ZNF614: variants seen among roughly 807,000 people sequenced by gnomAD.
The protein encoded by ZNF614 is zinc finger protein 614.
In ZNF614, 11 loss-of-function variants were observed where a neutral mutation model predicts 12.8. The observed-to-expected ratio is 0.86, with a 90% CI of 0.54 to 1.43. The LOEUF (loss-of-function observed/expected upper bound fraction) is 1.43, where lower values mean the gene tolerates loss of function less well. Among genes scored for constraint, ZNF614 ranks in the 40% most tolerant of loss-of-function variants. The pLI, the probability that ZNF614 is intolerant of heterozygous loss-of-function variation, is 0.00. For missense variants in ZNF614, 664 were observed against 708.8 expected (o/e 0.94, Z 0.72); for synonymous variants, 237 against 237.5 (o/e 1.00, Z 0.02).
In ZNF614 at chr19:52,017,371, C is replaced by T. The variant is rs775101897; in HGVS notation, c.239-12G>A. Reference sequence around the variant, plus strand: ...AACTTTCCCGATTCCTAAGAAAGAACAGAGTAACAAATTCTTCCATGAGAA... The same window carrying T: ...AACTTTCCCGATTCCTAAGAAAGAATAGAGTAACAAATTCTTCCATGAGAA... On this transcript the variant is annotated splice_polypyrimidine_tract_variant and intron_variant, in intron 4 of 4. Transcript: ENST00000270649. 2 of 1,573,672 alleles carry T rather than the reference C, an allele frequency of 1.3e-6. No individual in the cohort carries two copies. Among genetic ancestry groups the T allele is most frequent in the Non-Finnish European group, 1.7e-6 (2 of 1,164,376 alleles).
intron 2 of ZNF614, among the ~76,000 whole-genome samples, chr19:52,023,937 A>AGT (rs2086951835): frequency 6.6e-6 from 1 of 152,132 alleles, no homozygotes; most frequent in Non-Finnish European, 1.5e-5. Flanking sequence ...ACCTCTGTGG[A>AGT]AGGGAGAGGT....
rs2086884526 is a variant in ZNF614, at chr19:52,014,438, C to T, written c.*1402G>A. 6.6e-6 allele frequency: 1 copy of T among 152,308 alleles called. No individual in the cohort carries two copies. The highest frequency in any genetic ancestry group is 2.1e-4 in the South Asian group (1 of 4,824). 9.4% of individuals were successfully genotyped at this position (152,308 alleles called of 1,614,324 possible). A position where few individuals can be genotyped will look rare whatever the true frequency, so the allele number is the denominator to read the frequency against. On this transcript the variant is annotated 3_prime_UTR_variant, in exon 5 of 5. Transcript: ENST00000270649. The stretch of plus-strand genomic sequence containing the variant: ...CATCAGATGCCACTCACAAGGACAA[C>T]CTGCAGTTCTGAATGGTGATAAATT...
chr19:52,025,662 C>G, intron 2 of ZNF614, 69 bp downstream of exon 2: 1 of 1,553,188 alleles, frequency 6.4e-7, no homozygotes, highest in Non-Finnish European at 8.9e-7. Flanking sequence ...CCAGTATATA[C>G]TTCCTTAAGT....
intron 1 of ZNF614, among the ~76,000 whole-genome samples, chr19:52,027,012 C>T (rs2086979760): frequency 6.6e-6 from 1 of 152,206 alleles, no homozygotes; most frequent in Non-Finnish European, 1.5e-5. Context: ...ACTGAGGGAA[C>T]TCAGAGACCA....
chr19:52,017,943 G>C, intron 4 of ZNF614, 65 bp downstream of exon 4: 1 of 1,269,674 alleles, frequency 7.9e-7, no homozygotes, highest in South Asian at 1.3e-5. Context: ...TCATATATGT[G>C]ACACCTTTCC....
At position 52,015,703 on chromosome 19, in the gene ZNF614, G is replaced by C; in HGVS notation, c.*137C>G. 2.5e-6 allele frequency: 2 copies of C among 815,030 alleles called. No individual in the cohort carries two copies. Among genetic ancestry groups the C allele is most frequent in the Admixed American group, 2.5e-5 (1 of 39,446 alleles). 50.5% of individuals were successfully genotyped at this position (815,030 alleles called of 1,614,324 possible). A position where few individuals can be genotyped will look rare whatever the true frequency, so the allele number is the denominator to read the frequency against. ...CAAATTATTTCACCTCCTGAGGACAGACACACATCTGTCAACAGGCAGCAC... is the reference window on the plus strand; with the variant it reads ...CAAATTATTTCACCTCCTGAGGACACACACACATCTGTCAACAGGCAGCAC... On this transcript the variant is annotated 3_prime_UTR_variant, in exon 5 of 5. Transcript: ENST00000270649.
chr19:52,020,521 C>G (rs1411477199), intron 2 of ZNF614, among the ~76,000 whole-genome samples: 1 of 152,166 alleles, frequency 6.6e-6, no homozygotes, highest in Non-Finnish European at 1.5e-5. Flanking sequence ...GAGTACTTGC[C>G]AGCCAGCGAG....
At chr19:52,020,948 G>C (rs896423211) in intron 2 of ZNF614, among the ~76,000 whole-genome samples, 39 of 152,182 alleles carry the variant, frequency 2.6e-4, no homozygotes, top group Non-Finnish European at 2.8e-4. Flanking sequence ...ATCCTCCTGA[G>C]TATGAAGTGG....
chr19:52,015,686 T>C lies in ZNF614; in HGVS notation c.*154A>G, dbSNP rs2086891538. ...CAAATTGATCTCTAGGGCAAATTAT[T>C]TCACCTCCTGAGGACAGACACACAT... On this transcript the variant is annotated 3_prime_UTR_variant, in exon 5 of 5. Transcript: ENST00000270649. The C allele has an allele frequency of 1.4e-6, 1 of 698,180 alleles. No individual in the cohort carries two copies. Among genetic ancestry groups the C allele is most frequent in the Non-Finnish European group, 2.4e-6 (1 of 422,260 alleles). The allele number at this position is 698,180 out of a possible 1,614,324, so 43.2% of individuals were successfully genotyped here.
Position 52,027,692 on chromosome 19 carries a change from A to G in ZNF614, c.-217+550T>C, listed in dbSNP as rs554829245. On this transcript the variant is annotated intron_variant, in intron 1 of 4. Transcript: ENST00000270649. Reference sequence around the variant, plus strand: ...TACAATGGCTGGCAATAATAATATAAGGGTGTATATATAAGAATATGATAA... The same window carrying G: ...TACAATGGCTGGCAATAATAATATAGGGGTGTATATATAAGAATATGATAA... Among the ~76,000 whole-genome samples the G allele has an allele frequency of 8.5e-5, 13 of 152,304 alleles. No individual in the cohort carries two copies. In the South Asian group the frequency reaches 2.7e-3, roughly 32 times the overall value.
intron 2 of ZNF614, among the ~76,000 whole-genome samples, chr19:52,025,201 A>C (rs1265709603): frequency 6.6e-6 from 1 of 152,230 alleles, no homozygotes; most frequent in Non-Finnish European, 1.5e-5. Flanking sequence ...AATGGTCTGG[A>C]GTATGTACAT....
chr19:52,015,926 T>C lies in ZNF614; in HGVS notation c.1672A>G (p.Lys558Glu). Residue 558 changes from lysine to glutamate, a missense_variant, in exon 5 of 5, where the codon AAG becomes GAG. Coordinates refer to ENST00000270649, the MANE Select transcript of ZNF614 (RefSeq NM_025040.4). ...FSHLSNLVKHKKMHTREMGRI... is the reference protein window; with the variant it reads ...FSHLSNLVKHEKMHTREMGRI... ...CCCATTTCTCTTGTGTGCATTTTCTTATGTTTGACAAGGTTTGATAAGTGG... is the reference window on the plus strand; with the variant it reads ...CCCATTTCTCTTGTGTGCATTTTCTCATGTTTGACAAGGTTTGATAAGTGG... 1 of 1,614,212 alleles carries C rather than the reference T, an allele frequency of 6.2e-7. No individual in the cohort carries two copies. The highest frequency in any genetic ancestry group is 1.3e-5 in the African/African-American group (1 of 75,056).
At chr19:52,020,750 G>A (rs954916629) in intron 2 of ZNF614, among the ~76,000 whole-genome samples, 1 of 151,946 alleles carries the variant, frequency 6.6e-6, no homozygotes, top group Admixed American at 6.6e-5. Context: ...AATTATCTAG[G>A]GATCTACTAT....
intron 1 of ZNF614, among the ~76,000 whole-genome samples, chr19:52,026,463 C>T (rs948129040): frequency 6.6e-6 from 1 of 152,182 alleles, no homozygotes; most frequent in African/African-American, 2.4e-5. Context: ...AAAGTCATCA[C>T]CATTCTCTAA....
chr19:52,017,181 T>A lies in ZNF614; in HGVS notation c.417A>T (p.Ser139=), dbSNP rs751120200. The part of the protein sequence containing the change: ...TFDLYRKNLK[S]SLSLINQKRR... ...TCTTCTGGTTGATTAAACTTAAACT[T>A]GATTTCAAATTTTTTCTGTACAAGT... is the stretch of plus-strand genomic sequence containing the variant. Residue 139 remains serine, a synonymous_variant, in exon 5 of 5, where the codon TCA becomes TCT. Transcript: ENST00000270649. The A allele has an allele frequency of 6.2e-7, 1 of 1,614,172 alleles. No homozygotes were observed. The highest frequency in any genetic ancestry group is 2.2e-5 in the East Asian group (1 of 44,870).
intron 3 of ZNF614, 131 bp from the exon 4 acceptor site, chr19:52,018,234 T>A: frequency 6.8e-7 from 1 of 1,473,848 alleles, no homozygotes; most frequent in Non-Finnish European, 9.4e-7. Flanking sequence ...TTATACCACT[T>A]TGGGGTCAGA....
intron 2 of ZNF614, 93 bp downstream of exon 2, chr19:52,025,638 A>G: frequency 7.1e-7 from 1 of 1,411,100 alleles, no homozygotes; most frequent in Non-Finnish European, 9.9e-7. Context: ...ATTTCTCCCT[A>G]GAACACAATT....
At position 52,016,731 on chromosome 19, in the gene ZNF614, G is replaced by A; in HGVS notation, c.867C>T (p.Cys289=). The A allele has an allele frequency of 6.2e-7, 1 of 1,614,136 alleles. No individual in the cohort carries two copies. Among genetic ancestry groups the A allele is most frequent in the Non-Finnish European group, 8.5e-7 (1 of 1,180,044 alleles). The change falls in exon 5 of 5, where the codon TGC becomes TGT. Residue 289 remains cysteine, a synonymous_variant. Coordinates refer to ENST00000270649, the MANE Select transcript of ZNF614 (RefSeq NM_025040.4). Reference sequence around the variant, plus strand: ...TTGTAAAGCCCTTTCCACACTCACTGCACATATAGGATTTCTCTTCTGTAT... The same window carrying A: ...TTGTAAAGCCCTTTCCACACTCACTACACATATAGGATTTCTCTTCTGTAT... ...QTHTEEKSYM[C]SECGKGFTMK...
chr19:52,016,580 C>T lies in ZNF614; in HGVS notation c.1018G>A (p.Glu340Lys). The stretch of plus-strand genomic sequence containing the variant: ...CATTCACTGCATATATAGGGTTTCT[C>T]CCCTGTATGAGTTCGCTGATGTACA... ...LIVHQRTHTGEKPYICSECGK... is the reference protein window; with the variant it reads ...LIVHQRTHTGKKPYICSECGK... The change falls in exon 5 of 5, where the codon GAG becomes AAG. Residue 340 changes from glutamate (E) to lysine (K), a missense_variant. By Grantham distance (56) the Glu-to-Lys change is moderately conservative. Coordinates refer to ENST00000270649, the MANE Select transcript of ZNF614 (RefSeq NM_025040.4). The T allele has an allele frequency of 6.2e-7, 1 of 1,614,194 alleles. No individual in the cohort carries two copies. The highest frequency in any genetic ancestry group is 8.5e-7 in the Non-Finnish European group (1 of 1,180,030).
Sources: allele counts gnomAD v4.1 joint callset (sites outside exome capture counted in the v4.1 genomes callset), GRCh38; gene constraint gnomAD v4.1.1; transcripts MANE v1.5; gene names NCBI Gene and HGNC (gene_info 2026-07-23, HGNC 2026-07-21).